Variants in CYSTM1 observed in about 807,000 individuals in gnomAD.
The protein encoded by CYSTM1 is cysteine-rich transmembrane module-containing protein 1.
In CYSTM1, 4 loss-of-function variants were observed where a neutral mutation model predicts 13.1. The observed-to-expected ratio is 0.31, with a 90% CI of 0.15 to 0.70. CYSTM1 has a LOEUF of 0.70. Among genes scored for constraint, CYSTM1 ranks in the 30% least tolerant of loss-of-function variants. The pLI is 0.72. For synonymous variants in CYSTM1, 36 were observed against 42.7 expected (o/e 0.84, Z 0.62); for missense variants, 96 against 121.6 (o/e 0.79, Z 0.99).
rs983594987 is a variant in CYSTM1 at position 140,230,499 on chromosome 5, T to C, written c.188-12806T>C. Among the ~76,000 whole-genome samples the C allele has an allele frequency of 6.6e-6, 1 of 152,196 alleles. No homozygotes were observed. The highest frequency in any genetic ancestry group is 1.5e-5 in the Non-Finnish European group (1 of 68,022). ...AGGAAAGAAGAGGTTTGGAAAGTCC[T>C]GGGGCATGTACAATAATCTCTTCAT... On this transcript the variant is annotated intron_variant, in intron 2 of 2. Transcript: ENST00000261811. This position sits in a 1 kb window ranked among gnomAD's most constrained non-coding sequence, Gnocchi z 4.1.
At chr5:140,240,994 G>A (rs1007568771) in intron 2 of CYSTM1, among the ~76,000 whole-genome samples, 1 of 152,214 alleles carries the variant, frequency 6.6e-6, no homozygotes, top group Non-Finnish European at 1.5e-5. Flanking sequence ...TAAGTTATGT[G>A]TGGGCACTCA....
intron 2 of CYSTM1, among the ~76,000 whole-genome samples, chr5:140,206,456 C>T (rs1764299236): frequency 6.6e-6 from 1 of 152,184 alleles, no homozygotes; most frequent in Non-Finnish European, 1.5e-5. Context: ...CCAATCTCCT[C>T]GGGCTGCTCA....
chr5:140,191,766 T>C (rs1764098170), intron 1 of CYSTM1, among the ~76,000 whole-genome samples: 1 of 152,194 alleles, frequency 6.6e-6, no homozygotes, highest in Admixed American at 6.5e-5. Flanking sequence ...GAAATAGTTA[T>C]GATAACTGTA....
chr5:140,182,175 GTTGT>G (rs1395044765), intron 1 of CYSTM1, among the ~76,000 whole-genome samples: 1 of 152,172 alleles, frequency 6.6e-6, no homozygotes, highest in Non-Finnish European at 1.5e-5. Flanking sequence ...AATTATTGAA[GTTGT>G]TTGTCCATGT....
In CYSTM1 at chr5:140,243,620, TG is replaced by T. The variant is rs1764780123; in HGVS notation, c.*210del. The stretch of plus-strand genomic sequence containing the variant: ...TTAATGTCCAAAATCCATTTCTTAT[TG>T]ATCTTTAAAGATGTGCTAAATGACT... On this transcript the variant is annotated 3_prime_UTR_variant, in exon 3 of 3. Coordinates refer to ENST00000261811, the MANE Select transcript of CYSTM1 (RefSeq NM_032412.4). 8.7e-6 allele frequency: 4 copies of T among 462,254 alleles called. No individual in the cohort carries two copies. The highest frequency in any genetic ancestry group is 4.0e-5 in the Admixed American group (1 of 25,296). 28.6% of individuals were successfully genotyped at this position (462,254 alleles called of 1,614,324 possible).
intron 1 of CYSTM1, among the ~76,000 whole-genome samples, chr5:140,179,662 TTCTTTTC>T (rs1301365678): frequency 3.3e-5 from 2 of 59,764 alleles, no homozygotes; most frequent in African/African-American, 1.6e-4. Context: ...TTTTTTTTCT[TTCTTTTC>T]TTTTCTTTTG....
chr5:140,212,846 A>T (rs1044764259), intron 2 of CYSTM1, among the ~76,000 whole-genome samples: 1 of 151,496 alleles, frequency 6.6e-6, no homozygotes, highest in Non-Finnish European at 1.5e-5. Flanking sequence ...ACACGCCTGT[A>T]ATCCCAGCTA....
At chr5:140,242,338 A>G (rs1208113376) in intron 2 of CYSTM1, among the ~76,000 whole-genome samples, 1 of 152,212 alleles carries the variant, frequency 6.6e-6, no homozygotes, top group Non-Finnish European at 1.5e-5. Flanking sequence ...GGCTCCAGAG[A>G]GAGGCGCTGC....
intron 1 of CYSTM1, among the ~76,000 whole-genome samples, chr5:140,192,719 C>A (rs1427608082): frequency 6.6e-6 from 1 of 152,230 alleles, no homozygotes; most frequent in Non-Finnish European, 1.5e-5. Context: ...CACTTCAGAA[C>A]CAGTCCCAGT....
At chr5:140,229,944 C>T (rs1015799358) in intron 2 of CYSTM1, among the ~76,000 whole-genome samples, 1 of 152,206 alleles carries the variant, frequency 6.6e-6, no homozygotes, top group Non-Finnish European at 1.5e-5. Context: ...GATCTCGGCT[C>T]ACTGCAGCCT....
At chr5:140,191,843 G>A (rs1159914467) in intron 1 of CYSTM1, among the ~76,000 whole-genome samples, 2 of 152,196 alleles carry the variant, frequency 1.3e-5, no homozygotes, top group African/African-American at 4.8e-5. Flanking sequence ...ACTGATTTCT[G>A]TGTTAACCAG....
chr5:140,177,576 G>T (rs137913461), intron 1 of CYSTM1, among the ~76,000 whole-genome samples: 11 of 152,230 alleles, frequency 7.2e-5, no homozygotes, highest in African/African-American at 2.6e-4. Context: ...TATAGAAACC[G>T]GTGCAGCACT....
chr5:140,175,986 G>A lies in CYSTM1; in HGVS notation c.-21+701G>A, dbSNP rs1223910320. 6.6e-6 allele frequency among the ~76,000 whole-genome samples: 1 copy of A among 152,152 alleles called. No homozygotes were observed. The highest frequency in any genetic ancestry group is 2.1e-4 in the South Asian group (1 of 4,824). On this transcript the variant is annotated intron_variant, in intron 1 of 2. Transcript: ENST00000261811. The surrounding 1 kb of genome is among the most constrained non-coding windows in gnomAD (Gnocchi z 4.9). ...GGTTGCAGGGGGGAGAGAAGGAGGG[G>A]AGGACCCCTGGGGAAGGAGACCATG...
At chr5:140,210,444 C>T (rs763321042) in intron 2 of CYSTM1, among the ~76,000 whole-genome samples, 11 of 152,168 alleles carry the variant, frequency 7.2e-5, no homozygotes, top group Non-Finnish European at 1.3e-4. Context: ...ACCAAATGTC[C>T]CCTAGGGGCC....
At chr5:140,236,985 C>G (rs1764689564) in intron 2 of CYSTM1, among the ~76,000 whole-genome samples, 1 of 152,232 alleles carries the variant, frequency 6.6e-6, no homozygotes, top group Admixed American at 6.5e-5. Context: ...AGCACTGGAG[C>G]TGAGTTACAC....
intron 2 of CYSTM1, among the ~76,000 whole-genome samples, chr5:140,229,198 ACT>A (rs1446947511): frequency 6.7e-6 from 1 of 148,602 alleles, no homozygotes; most frequent in African/African-American, 2.5e-5. Flanking sequence ...TTCCTATCTG[ACT>A]CTCTTTTTTT....
rs998004583 is a variant in CYSTM1 at position 140,228,314 on chromosome 5, A to G, written c.188-14991A>G. On this transcript the variant is annotated intron_variant, in intron 2 of 2. Coordinates refer to ENST00000261811, the MANE Select transcript of CYSTM1 (RefSeq NM_032412.4). ...TGTATGAGAGTTATAAAATGATGATAATAATACAGAGCTGTTGGGAGGATT... is the reference window on the plus strand; with the variant it reads ...TGTATGAGAGTTATAAAATGATGATGATAATACAGAGCTGTTGGGAGGATT... 3.9e-5 allele frequency among the ~76,000 whole-genome samples: 6 copies of G among 152,210 alleles called. No individual in the cohort carries two copies. The South Asian group carries it at 1.2e-3, about 32-fold the overall frequency.
At position 140,241,208 on chromosome 5, in the gene CYSTM1, C is replaced by T. The variant is rs59696283; in HGVS notation, c.188-2097C>T. On this transcript the variant is annotated intron_variant, in intron 2 of 2. Transcript: ENST00000261811. ...AAAGGTGGAGCAAGCAAGACTAGGA[C>T]GTTTTTGTTTCCCCAGTTAAGCTGC... Among the ~76,000 whole-genome samples, 1,363 of 152,318 alleles carry T rather than the reference C, an allele frequency of 8.9e-3. 17 individuals are homozygous for T. Among genetic ancestry groups the T allele is most frequent in the African/African-American group, 0.03 (1,261 of 41,564 alleles).
intron 2 of CYSTM1, among the ~76,000 whole-genome samples, chr5:140,223,269 C>G (rs1764511243): frequency 6.6e-6 from 1 of 152,220 alleles, no homozygotes; most frequent in Admixed American, 6.5e-5. Flanking sequence ...CTCTTCTGCT[C>G]TTCTCAGGGC....
Sources: gnomAD v4.1 joint callset for allele counts (sites outside exome capture counted in the v4.1 genomes callset) on GRCh38, gnomAD v4.1.1 for gene constraint, Gnocchi (gnomAD v3.1) non-coding constraint, MANE v1.5 for transcripts, NCBI Gene and HGNC (gene_info 2026-07-23, HGNC 2026-07-21) for gene names.